POLR3K: variants seen among roughly 807,000 people sequenced by gnomAD.
The protein encoded by POLR3K is DNA-directed RNA polymerase III subunit RPC10.
POLR3K carries 11 observed loss-of-function variants against 13.5 expected under a neutral mutation model. The observed-to-expected ratio is 0.81, with a 90% CI of 0.51 to 1.35. The LOEUF is 1.35. Among genes scored for constraint, POLR3K ranks in the 40% most tolerant of loss-of-function variants. The probability of loss-of-function intolerance (pLI) is 0.00; values close to 1 mark genes in which losing one functional copy is unlikely to be tolerated. For synonymous variants in POLR3K, 56 were observed against 51.5 expected (o/e 1.09, Z -0.38); for missense variants, 144 against 145.3 (o/e 0.99, Z 0.05).
At chr16:53,346 A>G (rs1413744666) in intron 1 of POLR3K, 130 bp downstream of exon 1, 19 of 1,428,642 alleles carry the variant, frequency 1.3e-5, no homozygotes, top group Non-Finnish European at 1.7e-5. Context: ...GATCTGCTGC[A>G]GACCAGAAAG....
At chr16:52,765 CAA>C (rs946489081) in intron 1 of POLR3K, among the ~76,000 whole-genome samples, 1 of 33,616 alleles carries the variant, frequency 3.0e-5, no homozygotes, top group Non-Finnish European at 6.1e-5. Context: ...GACTCCGTCT[CAA>C]AAAAAAAAAA....
intron 2 of POLR3K, among the ~76,000 whole-genome samples, chr16:48,042 A>T (rs1193706073): frequency 1.3e-5 from 2 of 150,012 alleles, no homozygotes; most frequent in Admixed American, 6.6e-5. Flanking sequence ...GTTGCCCGCC[A>T]CCACACCCGG....
intron 2 of POLR3K, among the ~76,000 whole-genome samples, 174 bp downstream of exon 2, chr16:51,384 T>C (rs975594613): frequency 2.6e-5 from 4 of 152,232 alleles, no homozygotes; most frequent in Non-Finnish European, 4.4e-5. Flanking sequence ...GCACAAATAT[T>C]GCTTGTCTGA....
chr16:51,942 C>G (rs983042874), intron 1 of POLR3K: 10 of 257,888 alleles, frequency 3.9e-5, no homozygotes, highest in Non-Finnish European at 6.9e-5. Context: ...ATGGTGTGAA[C>G]CTGGGAGGCG....
intron 1 of POLR3K, among the ~76,000 whole-genome samples, chr16:52,661 G>A (rs1484147533): frequency 1.3e-5 from 2 of 149,592 alleles, no homozygotes; most frequent in African/African-American, 2.5e-5. Context: ...AGCTAATTGG[G>A]AGGCTGAGGC....
intron 2 of POLR3K, 30 bp downstream of exon 2, chr16:51,527 GT>G (rs1442707183): frequency 6.4e-7 from 1 of 1,571,420 alleles, no homozygotes; most frequent in African/African-American, 1.3e-5. Context: ...ATTATCCACA[GT>G]TTAGCAACAG....
Position 46,853 on chromosome 16 carries a change from A to G in POLR3K, c.*577T>C, listed in dbSNP as rs1335956621. ...AGGGAGTAAGAATAGGAATAAAGAA[A>G]GAAATTGAAATCCCGGTGATTAACA... On this transcript the variant is annotated 3_prime_UTR_variant, in exon 3 of 3. Coordinates refer to ENST00000293860, the MANE Select transcript of POLR3K (RefSeq NM_016310.5). The G allele has an allele frequency of 6.6e-6, 1 of 152,162 alleles. No homozygotes were observed. Among genetic ancestry groups the G allele is most frequent in the African/African-American group, 2.4e-5 (1 of 41,438 alleles). The allele number at this position is 152,162 out of a possible 1,614,324, so 9.4% of individuals were successfully genotyped here. A position where few individuals can be genotyped will look rare whatever the true frequency, so the allele number is the denominator to read the frequency against.
chr16:52,437 A>G (rs1194483449), intron 1 of POLR3K, among the ~76,000 whole-genome samples: 2 of 113,406 alleles, frequency 1.8e-5, no homozygotes, highest in African/African-American at 7.0e-5. Context: ...ACAGAGCGAG[A>G]CTCTGTCTCA....
intron 1 of POLR3K, among the ~76,000 whole-genome samples, chr16:52,798 A>AT (rs1567150886): frequency 2.1e-5 from 3 of 140,012 alleles, no homozygotes; most frequent in Non-Finnish European, 3.1e-5. Context: ...AAAAAAAACA[A>AT]TAAAAAAAAA....
At chr16:47,867 A>G (rs1897298167) in intron 2 of POLR3K, among the ~76,000 whole-genome samples, 1 of 146,660 alleles carries the variant, frequency 6.8e-6, no homozygotes, top group South Asian at 2.1e-4. Flanking sequence ...AAAAAAAAAA[A>G]AAAAAGTAGG....
intron 2 of POLR3K, among the ~76,000 whole-genome samples, chr16:48,828 G>C (rs536810018): frequency 6.0e-4 from 88 of 147,868 alleles, no homozygotes; most frequent in Non-Finnish European, 9.3e-4. Flanking sequence ...AAAAAGAATT[G>C]AGCATTAAGG....
intron 1 of POLR3K, chr16:53,266 G>A (rs974535759): frequency 6.4e-5 from 63 of 979,800 alleles, no homozygotes; most frequent in Middle Eastern, 3.4e-4. Context: ...GGGCGCGAGC[G>A]TGGGAGCAGG....
chr16:51,697 G>C, intron 1 of POLR3K, 52 bp from the exon 2 acceptor site: 2 of 1,473,696 alleles, frequency 1.4e-6, no homozygotes, highest in Non-Finnish European at 1.9e-6. Flanking sequence ...GCAAACCTGG[G>C]CTGCCAAACC....
intron 2 of POLR3K, among the ~76,000 whole-genome samples, chr16:50,532 T>C (rs1456842168): frequency 2.0e-5 from 3 of 152,138 alleles, no homozygotes; most frequent in Non-Finnish European, 4.4e-5. Flanking sequence ...AGGGGTTTTG[T>C]TTGTTTTGAG....
chr16:47,595 A>C (rs1434642720), intron 2 of POLR3K, 38 bp from the exon 3 acceptor site: 6 of 1,603,556 alleles, frequency 3.7e-6, no homozygotes, highest in Middle Eastern at 1.7e-4. Flanking sequence ...CATTTAAAAA[A>C]AGATGCTACT....
chr16:52,614 A>C (rs899283604), intron 1 of POLR3K, among the ~76,000 whole-genome samples: 2 of 151,146 alleles, frequency 1.3e-5, no homozygotes, highest in Non-Finnish European at 2.9e-5. Flanking sequence ...AAATACAAAA[A>C]AATCAGCCAG....
Position 53,500 on chromosome 16 carries a change from G to C in POLR3K, c.87C>G (p.Pro29=), listed in dbSNP as rs201123190. 1.2e-4 allele frequency: 193 copies of C among 1,612,800 alleles called. No individual in the cohort carries two copies. The highest frequency in any genetic ancestry group is 8.5e-4 in the South Asian group (77 of 91,018). ...CCTTGCGGGTGATGTTGTGCACGTA[G>C]GGGCACGTGTTGCAGGCGAAGCGGT... is the stretch of plus-strand genomic sequence containing the variant. ...RCHRFACNTC[P]YVHNITRKVT... Residue 29 remains proline, a synonymous_variant, in exon 1 of 3, where the codon CCC becomes CCG. Transcript: ENST00000293860.
In POLR3K at chr16:51,522, CCA is replaced by C. The variant is rs764429479; in HGVS notation, c.199+34_199+35del. The C allele has an allele frequency of 9.0e-5, 140 of 1,547,574 alleles. 1 individual carries two copies. Among genetic ancestry groups the C allele is most frequent in the Non-Finnish European group, 4.0e-5 (45 of 1,120,260 alleles). On this transcript the variant is annotated intron_variant, in intron 2 of 2. Coordinates refer to ENST00000293860, the MANE Select transcript of POLR3K (RefSeq NM_016310.5). ...GTGGCATCAACAGCCTCATAATTATCCACAGTTTAGCAACAGAAACAGTTTTC... is the reference window on the plus strand; with the variant it reads ...GTGGCATCAACAGCCTCATAATTATCCAGTTTAGCAACAGAAACAGTTTTC...
chr16:52,765 CAAAAAAAAAA>C (rs946489081), intron 1 of POLR3K, among the ~76,000 whole-genome samples: 14 of 33,600 alleles, frequency 4.2e-4, no homozygotes, highest in South Asian at 1.4e-3. Context: ...GACTCCGTCT[CAAAAAAAAAA>C]AAAAAAAAAA....
Sources: allele counts gnomAD v4.1 joint callset (sites outside exome capture counted in the v4.1 genomes callset), GRCh38; gene constraint gnomAD v4.1.1; transcripts MANE v1.5; gene names NCBI Gene and HGNC (gene_info 2026-07-23, HGNC 2026-07-21).